The following HECW1 variants were observed in gnomAD, a reference collection of about 807,000 sequenced individuals.
The protein encoded by HECW1 is E3 ubiquitin-protein ligase HECW1.
A neutral mutation model predicts 182.3 loss-of-function variants in HECW1; 61 were observed. That is an observed-to-expected ratio of 0.33 (90% CI 0.27 to 0.41). The LOEUF (loss-of-function observed/expected upper bound fraction) is 0.41. Ranked by LOEUF, HECW1 falls within the 10% of genes least tolerant of loss-of-function variation. HECW1 has a pLI of 1.00. For missense variants in HECW1, 1,739 were observed against 2,108.9 expected (o/e 0.82, Z 3.44); for synonymous variants, 859 against 832.6 (o/e 1.03, Z -0.55).
chr7:43,305,866 T>G (rs553320642), intron 3 of HECW1, among the ~76,000 whole-genome samples: 1 of 152,210 alleles, frequency 6.6e-6, no homozygotes, highest in African/African-American at 2.4e-5. Context: ...GTTCAAGTGA[T>G]TCTCCTGCCT....
At chr7:43,410,303 T>A (rs886137695) in intron 8 of HECW1, among the ~76,000 whole-genome samples, 6 of 152,208 alleles carry the variant, frequency 3.9e-5, no homozygotes, top group African/African-American at 1.4e-4. Flanking sequence ...GGGATGCAGA[T>A]GGCTGCCTTC....
At chr7:43,293,219 C>CAAAAAAAA (rs34748611) in intron 3 of HECW1, among the ~76,000 whole-genome samples, 11 of 76,396 alleles carry the variant, frequency 1.4e-4, no homozygotes, top group African/African-American at 3.5e-4. Context: ...GACTATGTCT[C>CAAAAAAAA]AAAAAAAAAA....
Position 43,247,856 on chromosome 7 carries a change from G to A in HECW1, c.27+3924G>A, listed in dbSNP as rs186385322. On this transcript the variant is annotated intron_variant, in intron 3 of 29. Coordinates refer to ENST00000395891, the MANE Select transcript of HECW1 (RefSeq NM_015052.5). ...TAAGAAGGAAGGAAGAAGGAAGGAAGGAAAGAAAGAAGAAAGCAAGCAAGA... is the reference window on the plus strand; with the variant it reads ...TAAGAAGGAAGGAAGAAGGAAGGAAAGAAAGAAAGAAGAAAGCAAGCAAGA... 6.3e-4 allele frequency among the ~76,000 whole-genome samples: 69 copies of A among 109,604 alleles called. 5 individuals carry two copies. Among genetic ancestry groups the A allele is most frequent in the African/African-American group, 2.9e-3 (64 of 22,280 alleles). 71.9% of individuals were successfully genotyped at this position (109,604 alleles called of 152,430 possible).
chr7:43,408,146 A>G (rs2075674461), intron 8 of HECW1, among the ~76,000 whole-genome samples: 1 of 152,198 alleles, frequency 6.6e-6, no homozygotes. Flanking sequence ...CAGAGATTCT[A>G]AAACTGGGAG....
At chr7:43,544,606 T>A (rs2081486730) in intron 26 of HECW1, among the ~76,000 whole-genome samples, 1 of 152,110 alleles carries the variant, frequency 6.6e-6, no homozygotes, top group African/African-American at 2.4e-5. Context: ...CGTCTAGAAA[T>A]TTGTCCTACC....
At chr7:43,490,648 G>T (rs1015874937) in intron 17 of HECW1, among the ~76,000 whole-genome samples, 1 of 152,170 alleles carries the variant, frequency 6.6e-6, no homozygotes, top group African/African-American at 2.4e-5. Context: ...CCATTATCAT[G>T]CTCTAGAACT....
At chr7:43,249,423 C>T (rs769980428) in intron 3 of HECW1, 3 of 152,292 alleles carry the variant, frequency 2.0e-5, no homozygotes, top group Non-Finnish European at 4.4e-5. Context: ...ACTTCTGAGC[C>T]TGCACTTTAA....
chr7:43,346,647 A>T (rs2152803629), intron 5 of HECW1, among the ~76,000 whole-genome samples: 1 of 152,194 alleles, frequency 6.6e-6, no homozygotes, highest in East Asian at 1.9e-4. Flanking sequence ...AGTCCTTAAT[A>T]TATCTTGAGT....
chr7:43,176,024 G>A (rs960876609), intron 2 of HECW1, among the ~76,000 whole-genome samples: 1 of 152,166 alleles, frequency 6.6e-6, no homozygotes, highest in African/African-American at 2.4e-5. Context: ...GCCATGTAGT[G>A]TTTTCTCAGC....
chr7:43,398,609 G>A (rs181147746), intron 7 of HECW1, among the ~76,000 whole-genome samples: 7 of 151,692 alleles, frequency 4.6e-5, no homozygotes, highest in Admixed American at 3.9e-4. Flanking sequence ...GTATATCTAG[G>A]CTGAAGAAAA....
At chr7:43,508,306 A>G (rs778485781) in intron 23 of HECW1, among the ~76,000 whole-genome samples, 175 bp downstream of exon 23, 15 of 152,190 alleles carry the variant, frequency 9.9e-5, no homozygotes, top group Non-Finnish European at 1.9e-4. Flanking sequence ...GCTTTAAAAA[A>G]TGCCATGATC....
intron 9 of HECW1, 64 bp from the exon 10 acceptor site, chr7:43,442,465 C>A: frequency 1.7e-6 from 2 of 1,185,516 alleles, no homozygotes; most frequent in Non-Finnish European, 2.5e-6. Flanking sequence ...ATAGAAAGCA[C>A]ACTGCATGGT....
At chr7:43,218,927 A>G (rs902112562) in intron 2 of HECW1, among the ~76,000 whole-genome samples, 19 of 152,196 alleles carry the variant, frequency 1.2e-4, no homozygotes, top group African/African-American at 4.6e-4. Context: ...CTGTACAGAG[A>G]CAGAGAGAGC....
chr7:43,263,076 T>G (rs1801356073), intron 3 of HECW1, among the ~76,000 whole-genome samples: 1 of 152,238 alleles, frequency 6.6e-6, no homozygotes. Flanking sequence ...TCTTCTTATC[T>G]GCATTTTCCG....
intron 3 of HECW1, among the ~76,000 whole-genome samples, chr7:43,251,172 C>T (rs776083673): frequency 2.0e-5 from 3 of 152,184 alleles, no homozygotes; most frequent in Non-Finnish European, 4.4e-5. Flanking sequence ...AGGTGCCAAG[C>T]TATCAGAGTC....
intron 6 of HECW1, among the ~76,000 whole-genome samples, chr7:43,362,370 C>T (rs574148929): frequency 6.6e-6 from 1 of 152,296 alleles, no homozygotes; most frequent in South Asian, 2.1e-4. Flanking sequence ...CTGGGTTTCC[C>T]ATCCCGGAAC....
chr7:43,494,202 T>C lies in HECW1; in HGVS notation c.3437+1022T>C, dbSNP rs117865075. Among the ~76,000 whole-genome samples, 161 of 152,206 alleles carry C rather than the reference T, an allele frequency of 1.1e-3. 1 individual carries two copies. In the East Asian group the frequency reaches 0.026, roughly 25 times the overall value. On this transcript the variant is annotated intron_variant, in intron 19 of 29. Coordinates refer to ENST00000395891, the MANE Select transcript of HECW1 (RefSeq NM_015052.5). The stretch of plus-strand genomic sequence containing the variant: ...CTCTTTTCCCTGTATTTTCACTCTG[T>C]AAATTAGAGCCACTACCCTCCCAGC...
chr7:43,317,730 G>A (rs1303979262), intron 4 of HECW1, among the ~76,000 whole-genome samples: 1 of 152,058 alleles, frequency 6.6e-6, no homozygotes, highest in East Asian at 1.9e-4. Context: ...GGAAGGGGAT[G>A]CTTATCAGGA....
intron 2 of HECW1, among the ~76,000 whole-genome samples, chr7:43,115,845 A>C (rs192129567): frequency 6.6e-6 from 1 of 152,352 alleles, no homozygotes; most frequent in East Asian, 1.9e-4. Context: ...CATAGAGCTA[A>C]GATAGCACTT....
Sources: gnomAD v4.1 joint callset for allele counts (sites outside exome capture counted in the v4.1 genomes callset) on GRCh38, gnomAD v4.1.1 for gene constraint, MANE v1.5 for transcripts, NCBI Gene and HGNC (gene_info 2026-07-23, HGNC 2026-07-21) for gene names.